The following FAM90A1 variants were observed in gnomAD, a reference collection of about 807,000 sequenced individuals.
FAM90A1 encodes protein FAM90A1.
A neutral mutation model predicts 14.8 loss-of-function variants in FAM90A1; 10 were observed. The ratio of observed to expected loss-of-function variants is 0.67; its 90% CI spans 0.42 to 1.14. The LOEUF is 1.14. Ranked by LOEUF, FAM90A1 falls within the 50% of genes most tolerant of loss-of-function variation. The pLI is 0.00. For synonymous variants in FAM90A1, 236 were observed against 248.4 expected (o/e 0.95, Z 0.47); for missense variants, 567 against 602.8 (o/e 0.94, Z 0.62).
chr12:8,223,373 C>A, intron 6 of FAM90A1, 76 bp downstream of exon 6: 1 of 876,360 alleles, frequency 1.1e-6, no homozygotes, highest in East Asian at 2.4e-5. Context: ...TTCCCTCCCG[C>A]AGACGGGAAG....
In FAM90A1 at chr12:8,226,406, G is replaced by A. The variant is rs1361522372; in HGVS notation, c.-348C>T. 5.3e-5 allele frequency: 8 copies of A among 152,274 alleles called. No individual in the cohort carries two copies. The highest frequency in any genetic ancestry group is 3.9e-4 in the Admixed American group (6 of 15,288). The allele number at this position is 152,274 out of a possible 1,614,324, so 9.4% of individuals were successfully genotyped here. On this transcript the variant is annotated 5_prime_UTR_variant, in exon 2 of 7. Transcript: ENST00000538603. The stretch of plus-strand genomic sequence containing the variant: ...CTTCCCCACGGTAGGTCTGTCAGCA[G>A]AGAACCCTGACCACACACTCATGTG...
At chr12:8,226,866 T>G (rs1055117367) in intron 1 of FAM90A1, among the ~76,000 whole-genome samples, 2 of 143,616 alleles carry the variant, frequency 1.4e-5, no homozygotes, top group African/African-American at 5.3e-5. Flanking sequence ...GGTGCAGTGG[T>G]GTGATCTCAG....
intron 6 of FAM90A1, 103 bp from the exon 7 acceptor site, chr12:8,222,887 G>C (rs1479124185): frequency 1.5e-6 from 2 of 1,306,758 alleles, no homozygotes; most frequent in African/African-American, 2.9e-5. Flanking sequence ...GAAATTCTTA[G>C]TACACTATCG....
At chr12:8,225,070 A>T (rs190848935) in intron 3 of FAM90A1, among the ~76,000 whole-genome samples, 182 bp from the exon 4 acceptor site, 2,933 of 152,318 alleles carry the variant, frequency 0.019, 77 homozygotes, top group African/African-American at 0.067. Context: ...TTCCTCTGCC[A>T]TGATTACCTA....
rs375137953 is a variant in FAM90A1 at position 8,224,757 on chromosome 12, C to A, written c.76G>T (p.Ala26Ser). ...GGGGGAGCCCTTGGCCCAACTGGGG[C>A]CCTCCGCTGCTTCTGGAGGGTCTGG... ...RAQTLQKQRR[A>S]PVGPRAPPPD... The change falls in exon 4 of 7, where the codon GCC becomes TCC. Residue 26 changes from alanine to serine, a missense_variant. Transcript: ENST00000538603. 4.6e-5 allele frequency: 71 copies of A among 1,542,564 alleles called. No individual in the cohort carries two copies. The highest frequency in any genetic ancestry group is 6.0e-5 in the Non-Finnish European group (68 of 1,139,112).
intron 6 of FAM90A1, among the ~76,000 whole-genome samples, 165 bp downstream of exon 6, chr12:8,223,284 C>A (rs1463523984): frequency 1.3e-5 from 2 of 152,144 alleles, no homozygotes; most frequent in Non-Finnish European, 2.9e-5. Context: ...TCTTCAGATG[C>A]CTTCGCCTGG....
chr12:8,225,191 G>A lies in FAM90A1; in HGVS notation c.-56-303C>T, dbSNP rs778172641. Among the ~76,000 whole-genome samples, 21 of 152,330 alleles carry A rather than the reference G, an allele frequency of 1.4e-4. No individual in the cohort carries two copies. In the East Asian group the frequency reaches 3.5e-3, roughly 25 times the overall value. ...TGGAGACTGGACTTAGGTCTATCAC[G>A]ATTCACTCCGGTAGAAGACACGATG... On this transcript the variant is annotated intron_variant, in intron 3 of 6. Coordinates refer to ENST00000538603, the MANE Select transcript of FAM90A1 (RefSeq NM_018088.3).
chr12:8,222,073 G>T lies in FAM90A1; in HGVS notation c.1144C>A (p.Pro382Thr), dbSNP rs777845720. ...TAQACTMSHHPAASHDGAQPL... is the reference protein window; with the variant it reads ...TAQACTMSHHTAASHDGAQPL... Reference sequence around the variant, plus strand: ...TGGGCCCCATCATGGCTGGCCGCTGGGTGATGGGACATGGTGCAGGCCTGG... The same window carrying T: ...TGGGCCCCATCATGGCTGGCCGCTGTGTGATGGGACATGGTGCAGGCCTGG... The change falls in exon 7 of 7, where the codon CCA becomes ACA. Residue 382 changes from proline (P) to threonine (T), a missense_variant. Coordinates refer to ENST00000538603, the MANE Select transcript of FAM90A1 (RefSeq NM_018088.3). 3.1e-6 allele frequency: 5 copies of T among 1,608,016 alleles called. No individual in the cohort carries two copies. Among genetic ancestry groups the T allele is most frequent in the Non-Finnish European group, 4.2e-6 (5 of 1,179,996 alleles).
In FAM90A1 at chr12:8,224,876, A is replaced by G. The variant is rs775621431; in HGVS notation, c.-44T>C. On this transcript the variant is annotated 5_prime_UTR_variant, in exon 4 of 7. Transcript: ENST00000538603. ...TTATGACCGCCTTTTTCAGGGGTTG[A>G]TTGTCGGGTCACCTGAAACACACAC... is the stretch of plus-strand genomic sequence containing the variant. The G allele has an allele frequency of 6.2e-7, 1 of 1,602,580 alleles. No homozygotes were observed. The highest frequency in any genetic ancestry group is 1.1e-5 in the South Asian group (1 of 90,958).
At chr12:8,223,341 G>T in intron 6 of FAM90A1, 108 bp downstream of exon 6, 1 of 673,568 alleles carries the variant, frequency 1.5e-6, no homozygotes, top group Non-Finnish European at 2.7e-6. Context: ...CCCCAAGAAG[G>T]CAAGAAAGAG....
Position 8,221,642 on chromosome 12 carries a change from T to G in FAM90A1, c.*180A>C, listed in dbSNP as rs3825299. Reference sequence around the variant, plus strand: ...CAATGTCCCTCACCAGAATTCAACGTGGCAGAGTCCCTGCATCTGCTCCCT... The same window carrying G: ...CAATGTCCCTCACCAGAATTCAACGGGGCAGAGTCCCTGCATCTGCTCCCT... On this transcript the variant is annotated 3_prime_UTR_variant, in exon 7 of 7. Coordinates refer to ENST00000538603, the MANE Select transcript of FAM90A1 (RefSeq NM_018088.3). 0.22 allele frequency: 155,948 copies of G among 694,114 alleles called. 15,285 individuals carry two copies. Among genetic ancestry groups the G allele is most frequent in the East Asian group, 0.48 (17,342 of 36,376 alleles). 43.0% of individuals were successfully genotyped at this position (694,114 alleles called of 1,614,324 possible).
rs1409612293 is a variant in FAM90A1 at position 8,223,496 on chromosome 12, G to C, written c.385C>G (p.Pro129Ala). The C allele has an allele frequency of 6.2e-7, 1 of 1,609,998 alleles. No individual in the cohort carries two copies. Among genetic ancestry groups the C allele is most frequent in the East Asian group, 2.2e-5 (1 of 44,874 alleles). ...HIFSRKPPEK[P>A]LPNQKGSTES... ...GTGGATCCTTTTTGATTTGGCAGCG[G>C]CTTCTCTGGAGGTTTCCTGGAAAAT... Residue 129 changes from proline to alanine, a missense_variant, in exon 6 of 7, where the codon CCG becomes GCG. Physicochemically the swap from Pro to Ala is conservative, Grantham distance 27. Coordinates refer to ENST00000538603, the MANE Select transcript of FAM90A1 (RefSeq NM_018088.3).
Position 8,221,773 on chromosome 12 carries a change from C to T in FAM90A1, c.*49G>A, listed in dbSNP as rs778588868. ...CTGTGCTCCTCAGTCCCACAGTCCC[C>T]TCCAAGTCACGGGAGCTGGAGGCCA... On this transcript the variant is annotated 3_prime_UTR_variant, in exon 7 of 7. Coordinates refer to ENST00000538603, the MANE Select transcript of FAM90A1 (RefSeq NM_018088.3). The T allele has an allele frequency of 6.5e-7, 1 of 1,547,878 alleles. No homozygotes were observed. Among genetic ancestry groups the T allele is most frequent in the Admixed American group, 1.7e-5 (1 of 59,832 alleles).
chr12:8,222,432 C>T lies in FAM90A1; in HGVS notation c.785G>A (p.Arg262His), dbSNP rs749458732. ...QAVSPQAQDK[R>H]PAVTSQPCPP... ...GCAGGGCTGTGAGGTCACCGCAGGACGTTTGTCTTGTGCCTGGGGGCTGAC... is the reference window on the plus strand; with the variant it reads ...GCAGGGCTGTGAGGTCACCGCAGGATGTTTGTCTTGTGCCTGGGGGCTGAC... Residue 262 changes from arginine to histidine, a missense_variant, in exon 7 of 7, where the codon CGT becomes CAT. Physicochemically the swap from Arg to His is conservative, Grantham distance 29. Transcript: ENST00000538603. 1.9e-6 allele frequency: 3 copies of T among 1,608,984 alleles called. No homozygotes were observed. Among genetic ancestry groups the T allele is most frequent in the South Asian group, 2.2e-5 (2 of 90,660 alleles).
Position 8,221,557 on chromosome 12 carries a change from G to GC in FAM90A1, c.*264dup. The GC allele has an allele frequency of 1.8e-6, 1 of 547,038 alleles. No homozygotes were observed. The allele number at this position is 547,038 out of a possible 1,614,324, so 33.9% of individuals were successfully genotyped here. On this transcript the variant is annotated 3_prime_UTR_variant, in exon 7 of 7. Coordinates refer to ENST00000538603, the MANE Select transcript of FAM90A1 (RefSeq NM_018088.3). The stretch of plus-strand genomic sequence containing the variant: ...TCCTGCGCGTCATGCAGTTTCTGAG[G>GC]CAACGAATCACTGGCACGGAAGCTT...
At position 8,226,355 on chromosome 12, in the gene FAM90A1, A is replaced by G. The variant is rs775926809; in HGVS notation, c.-297T>C. ...TTCTCCTTGACATGCAGTCACGGCC[A>G]TGATCCATCTTCAGAGCTTCTCTTT... On this transcript the variant is annotated 5_prime_UTR_variant, in exon 2 of 7. It removes an upstream start codon present in the reference 5' UTR. Coordinates refer to ENST00000538603, the MANE Select transcript of FAM90A1 (RefSeq NM_018088.3). 2.0e-5 allele frequency: 3 copies of G among 152,372 alleles called. No individual in the cohort carries two copies. The highest frequency in any genetic ancestry group is 4.1e-4 in the South Asian group (2 of 4,828). 9.4% of individuals were successfully genotyped at this position (152,372 alleles called of 1,614,324 possible). A position where few individuals can be genotyped will look rare whatever the true frequency, so the allele number is the denominator to read the frequency against.
chr12:8,225,461 C>T (rs2965684), intron 3 of FAM90A1, among the ~76,000 whole-genome samples: 44,074 of 150,788 alleles, frequency 0.29, 5,342 homozygotes, highest in Middle Eastern at 0.34. Context: ...TCCAGCCCCT[C>T]TTTATTTATT....
At chr12:8,224,277 T>G in intron 4 of FAM90A1, 62 bp from the exon 5 acceptor site, 2 of 1,344,280 alleles carry the variant, frequency 1.5e-6, no homozygotes, top group South Asian at 2.4e-5. Context: ...CGATCCCACG[T>G]CAACATTGAG....
chr12:8,224,779 C>A lies in FAM90A1; in HGVS notation c.54G>T (p.Gln18His), dbSNP rs777007125. ...KPGAKRLVRAQTLQKQRRAPV... is the reference protein window; with the variant it reads ...KPGAKRLVRAHTLQKQRRAPV... ...GGGCCCTCCGCTGCTTCTGGAGGGTCTGGGCTCTCACCAGTCTCTTTGCCC... is the reference window on the plus strand; with the variant it reads ...GGGCCCTCCGCTGCTTCTGGAGGGTATGGGCTCTCACCAGTCTCTTTGCCC... The change falls in exon 4 of 7, where the codon CAG becomes CAT. Residue 18 changes from glutamine (Q) to histidine (H), a missense_variant. Coordinates refer to ENST00000538603, the MANE Select transcript of FAM90A1 (RefSeq NM_018088.3). The A allele has an allele frequency of 6.2e-7, 1 of 1,606,670 alleles. No homozygotes were observed. The highest frequency in any genetic ancestry group is 2.2e-5 in the East Asian group (1 of 44,802).
Sources: gnomAD v4.1 joint callset for allele counts (sites outside exome capture counted in the v4.1 genomes callset) on GRCh38, gnomAD v4.1.1 for gene constraint, MANE v1.5 for transcripts, NCBI Gene and HGNC (gene_info 2026-07-23, HGNC 2026-07-21) for gene names.